The following ERBB4 variants were observed in gnomAD, a reference collection of about 807,000 sequenced individuals.
ERBB4 encodes erb-b2 receptor tyrosine kinase 4.
ERBB4 carries 42 observed loss-of-function variants against 158.0 expected under a neutral mutation model. That is an observed-to-expected ratio of 0.27 (90% confidence interval 0.21 to 0.34). The LOEUF is 0.34. Ranked by LOEUF, ERBB4 falls within the 10% of genes least tolerant of loss-of-function variation. The pLI is 1.00. For synonymous variants in ERBB4, 583 were observed against 558.7 expected (o/e 1.04, Z -0.61); for missense variants, 1,333 against 1,624.1 (o/e 0.82, Z 3.08).
intron 1 of ERBB4, among the ~76,000 whole-genome samples, chr2:212,258,872 CT>C (rs2084834996): frequency 6.6e-6 from 1 of 151,906 alleles, no homozygotes; most frequent in African/African-American, 2.4e-5. Context: ...TATTACACAA[CT>C]TTCCTGTGTC....
chr2:212,322,281 C>T (rs1357134195), intron 1 of ERBB4, among the ~76,000 whole-genome samples: 2 of 150,238 alleles, frequency 1.3e-5, no homozygotes, highest in African/African-American at 4.9e-5. Flanking sequence ...TCTCTCTTTT[C>T]CTTATGTGCA....
At chr2:212,307,643 G>C (rs1288215476) in intron 1 of ERBB4, among the ~76,000 whole-genome samples, 1 of 151,010 alleles carries the variant, frequency 6.6e-6, no homozygotes, top group Non-Finnish European at 1.5e-5. Flanking sequence ...TAAACATTTA[G>C]TATGTTTCTA....
At chr2:211,584,397 T>A (rs2068200773) in intron 19 of ERBB4, among the ~76,000 whole-genome samples, 1 of 152,030 alleles carries the variant, frequency 6.6e-6, no homozygotes, top group Non-Finnish European at 1.5e-5. Flanking sequence ...AGAATAACAA[T>A]ATGTTTAACG....
chr2:211,920,084 C>T (rs2079816515), intron 3 of ERBB4, among the ~76,000 whole-genome samples: 1 of 151,876 alleles, frequency 6.6e-6, no homozygotes, highest in South Asian at 2.1e-4. Context: ...AAACAAAAAT[C>T]TGGCAAAAAC....
chr2:212,315,949 T>A (rs1271558464), intron 1 of ERBB4, among the ~76,000 whole-genome samples: 1 of 151,544 alleles, frequency 6.6e-6, no homozygotes, highest in Non-Finnish European at 1.5e-5. Context: ...ATTAAATTCA[T>A]CTTAATCTAT....
intron 1 of ERBB4, among the ~76,000 whole-genome samples, chr2:212,169,519 A>G (rs756521308): frequency 1.3e-5 from 2 of 152,168 alleles, no homozygotes; most frequent in Admixed American, 6.6e-5. Context: ...CTCAAGACAG[A>G]TTAAAGACTT....
chr2:211,655,838 T>C (rs13423577), intron 16 of ERBB4, among the ~76,000 whole-genome samples: 15,748 of 152,256 alleles, frequency 0.1, 967 homozygotes, highest in Non-Finnish European at 0.12. Flanking sequence ...CTAGTCTTGA[T>C]TGTGCCCAAG....
chr2:211,584,078 A>G (rs1402731922), intron 19 of ERBB4, among the ~76,000 whole-genome samples: 1 of 149,506 alleles, frequency 6.7e-6, no homozygotes, highest in Non-Finnish European at 1.5e-5. Flanking sequence ...AGCAAAAGCC[A>G]TGTCCATTGT....
At chr2:211,974,366 G>T (rs1328932226) in intron 2 of ERBB4, among the ~76,000 whole-genome samples, 1 of 152,078 alleles carries the variant, frequency 6.6e-6, no homozygotes, top group East Asian at 1.9e-4. Flanking sequence ...AAAGAAAGAA[G>T]GGAAGGATGG....
At chr2:211,990,104 A>T (rs1211625280) in intron 2 of ERBB4, among the ~76,000 whole-genome samples, 1 of 152,030 alleles carries the variant, frequency 6.6e-6, no homozygotes, top group East Asian at 1.9e-4. Context: ...TGAATTATTT[A>T]AAAAGTAAAA....
At chr2:211,747,078 GCTTTAACAT>G (rs1349004890) in intron 5 of ERBB4, among the ~76,000 whole-genome samples, 1 of 152,022 alleles carries the variant, frequency 6.6e-6, no homozygotes, top group African/African-American at 2.4e-5. Flanking sequence ...ACCTCAATTA[GCTTTAACAT>G]CTCTTCAGGT....
At chr2:211,483,837 C>T (rs1307824293) in intron 20 of ERBB4, among the ~76,000 whole-genome samples, 1 of 152,116 alleles carries the variant, frequency 6.6e-6, no homozygotes, top group East Asian at 1.9e-4. Flanking sequence ...AGGCATGAAC[C>T]ACCGTGCCCG....
rs189556701 is a variant in ERBB4, at chr2:212,181,972, G to A, written c.83-57069C>T. On this transcript the variant is annotated intron_variant, in intron 1 of 27. Coordinates refer to ENST00000342788, the MANE Select transcript of ERBB4 (RefSeq NM_005235.3). ...ATACACTACAAAAAATGCTGCAAGTGTAAGATCAGAAATTATTTGTGTGGT... is the reference window on the plus strand; with the variant it reads ...ATACACTACAAAAAATGCTGCAAGTATAAGATCAGAAATTATTTGTGTGGT... Among the ~76,000 whole-genome samples the A allele has an allele frequency of 1.6e-3, 240 of 151,838 alleles. 1 individual carries two copies. Among genetic ancestry groups the A allele is most frequent in the Non-Finnish European group, 3.2e-4 (22 of 67,742 alleles).
At chr2:212,267,264 T>C (rs1241950362) in intron 1 of ERBB4, among the ~76,000 whole-genome samples, 2 of 151,898 alleles carry the variant, frequency 1.3e-5, no homozygotes, top group East Asian at 1.9e-4. Context: ...GAATTATCAA[T>C]AGAAAGAAAA....
chr2:212,257,339 T>G (rs2084776388), intron 1 of ERBB4, among the ~76,000 whole-genome samples: 1 of 152,146 alleles, frequency 6.6e-6, no homozygotes, highest in Non-Finnish European at 1.5e-5. Flanking sequence ...GTTTTGTAAT[T>G]CTGAAGTAAT....
chr2:211,405,622 C>G (rs567202142), intron 25 of ERBB4, among the ~76,000 whole-genome samples: 1 of 152,270 alleles, frequency 6.6e-6, no homozygotes, highest in East Asian at 1.9e-4. Flanking sequence ...TTCTTCCTTT[C>G]ACATAGATGA....
At chr2:212,211,308 C>T (rs2082925287) in intron 1 of ERBB4, among the ~76,000 whole-genome samples, 1 of 152,098 alleles carries the variant, frequency 6.6e-6, no homozygotes, top group Non-Finnish European at 1.5e-5. Flanking sequence ...AGAACACACA[C>T]ATATGCGTGA....
At chr2:212,130,055 G>A (rs1426138054) in intron 1 of ERBB4, among the ~76,000 whole-genome samples, 1 of 152,034 alleles carries the variant, frequency 6.6e-6, no homozygotes, top group Admixed American at 6.6e-5. Flanking sequence ...ATCAAGCAAT[G>A]TATACAAGAC....
rs181342537 is a variant in ERBB4, at chr2:211,524,359, G to T, written c.2487+37544C>A. On this transcript the variant is annotated intron_variant, in intron 20 of 27. Coordinates refer to ENST00000342788, the MANE Select transcript of ERBB4 (RefSeq NM_005235.3). ...GGGCTGCAGGTGGAGCTGCCTGCCA[G>T]TCCCACGCCATGCGCCCACACTCCT... 2.6e-3 allele frequency among the ~76,000 whole-genome samples: 392 copies of T among 152,168 alleles called. 2 individuals carry two copies. The highest frequency in any genetic ancestry group is 3.9e-3 in the Non-Finnish European group (264 of 68,026).
Sources: allele counts gnomAD v4.1 joint callset (sites outside exome capture counted in the v4.1 genomes callset), GRCh38; gene constraint gnomAD v4.1.1; transcripts MANE v1.5; gene names NCBI Gene and HGNC (gene_info 2026-07-23, HGNC 2026-07-21).